The following PTPRT variants were observed in gnomAD, a reference collection of about 807,000 sequenced individuals.
PTPRT encodes protein tyrosine phosphatase receptor type T.
PTPRT carries 56 observed loss-of-function variants against 176.8 expected under a neutral mutation model. The ratio of observed to expected loss-of-function variants is 0.32; its 90% CI spans 0.26 to 0.40. The LOEUF is 0.40. PTPRT is among the 10% of genes least tolerant of loss of function. The pLI is 1.00. For synonymous variants in PTPRT, 783 were observed against 739.0 expected (o/e 1.06, Z -0.96); for missense variants, 1,540 against 1,908.2 (o/e 0.81, Z 3.60).
intron 2 of PTPRT, among the ~76,000 whole-genome samples, chr20:42,803,762 C>T (rs1038123144): frequency 3.9e-5 from 6 of 152,162 alleles, no homozygotes; most frequent in Admixed American, 1.3e-4. Flanking sequence ...CCATGTTGGC[C>T]AGGTTGGTCT....
At chr20:42,254,658 G>A (rs145928928) in intron 13 of PTPRT, among the ~76,000 whole-genome samples, 153 of 152,266 alleles carry the variant, frequency 1.0e-3, no homozygotes, top group African/African-American at 3.3e-3. Context: ...CACAGGAAAC[G>A]TTTGAATGTG....
At chr20:42,846,926 A>C (rs1219594472) in intron 2 of PTPRT, among the ~76,000 whole-genome samples, 1 of 152,188 alleles carries the variant, frequency 6.6e-6, no homozygotes, top group Non-Finnish European at 1.5e-5. Flanking sequence ...GCCAGATGCA[A>C]ACTCTGTCTC....
chr20:42,399,083 T>C (rs1471239212), intron 9 of PTPRT, among the ~76,000 whole-genome samples: 1 of 152,260 alleles, frequency 6.6e-6, no homozygotes, highest in Non-Finnish European at 1.5e-5. Flanking sequence ...GTCAAGGCGT[T>C]TGAAAACCTC....
intron 7 of PTPRT, among the ~76,000 whole-genome samples, chr20:42,516,268 A>T (rs1322973380): frequency 1.4e-5 from 2 of 141,786 alleles, no homozygotes; most frequent in East Asian, 2.0e-4. Flanking sequence ...AAAATAAATT[A>T]AAAAAAAAAA....
chr20:42,093,966 G>A (rs1251117047), intron 27 of PTPRT, among the ~76,000 whole-genome samples: 2 of 152,196 alleles, frequency 1.3e-5, no homozygotes, highest in Non-Finnish European at 2.9e-5. Flanking sequence ...CAACCTCAGG[G>A]TACTTCTGAG....
chr20:42,345,912 T>C (rs1421976950), intron 11 of PTPRT, among the ~76,000 whole-genome samples: 2 of 152,158 alleles, frequency 1.3e-5, no homozygotes, highest in Non-Finnish European at 2.9e-5. Context: ...AATTCCATGC[T>C]AAGAAGCCTG....
chr20:42,504,211 T>C (rs1256815023), intron 7 of PTPRT, among the ~76,000 whole-genome samples: 3 of 152,130 alleles, frequency 2.0e-5, no homozygotes, highest in Non-Finnish European at 2.9e-5. Flanking sequence ...TTATTGGTAA[T>C]CCTAATTATG....
chr20:42,182,245 G>A (rs1990555557), intron 16 of PTPRT, among the ~76,000 whole-genome samples: 1 of 152,134 alleles, frequency 6.6e-6, no homozygotes, highest in African/African-American at 2.4e-5. Context: ...AGCCAATAAC[G>A]GATTTTTGGT....
chr20:42,888,126 C>T (rs938097887), intron 1 of PTPRT, among the ~76,000 whole-genome samples: 3 of 152,030 alleles, frequency 2.0e-5, no homozygotes, highest in South Asian at 2.1e-4. Context: ...TTATAACAGC[C>T]GAAATGGATT....
chr20:42,640,625 C>T (rs976883019), intron 7 of PTPRT, among the ~76,000 whole-genome samples: 3 of 152,000 alleles, frequency 2.0e-5, no homozygotes, highest in African/African-American at 7.3e-5. Context: ...CTGACCACCG[C>T]CTCAGCCTCC....
In PTPRT at chr20:42,080,682, G is replaced by A. The variant is rs1983234779; in HGVS notation, c.*197C>T. 4.4e-6 allele frequency: 2 copies of A among 458,176 alleles called. No individual in the cohort carries two copies. The highest frequency in any genetic ancestry group is 7.8e-6 in the Non-Finnish European group (2 of 255,604). 28.4% of individuals were successfully genotyped at this position (458,176 alleles called of 1,614,324 possible). ...TTGAAAAGGAAGCCTGGGCCTTTTG[G>A]AGCAGCATCTCCCACGGCAACAGGA... On this transcript the variant is annotated 3_prime_UTR_variant, in exon 31 of 31. Coordinates refer to ENST00000373187, the MANE Select transcript of PTPRT (RefSeq NM_007050.6).
intron 1 of PTPRT, among the ~76,000 whole-genome samples, chr20:42,975,613 C>T (rs781134426): frequency 3.9e-5 from 6 of 152,094 alleles, no homozygotes; most frequent in African/African-American, 7.2e-5. Context: ...AGTATTGTGA[C>T]GATGCTTGAG....
chr20:42,246,340 T>A (rs2056450731), intron 14 of PTPRT, among the ~76,000 whole-genome samples: 1 of 152,118 alleles, frequency 6.6e-6, no homozygotes, highest in Admixed American at 6.5e-5. Flanking sequence ...CTGTAAACTG[T>A]TCCAATCAAC....
intron 7 of PTPRT, among the ~76,000 whole-genome samples, chr20:42,561,406 G>A (rs900577173): frequency 4.6e-5 from 7 of 152,194 alleles, no homozygotes; most frequent in African/African-American, 1.4e-4. Context: ...TGTCATTGAT[G>A]CATATTTAAT....
intron 2 of PTPRT, among the ~76,000 whole-genome samples, chr20:42,800,525 C>G (rs1388092494): frequency 2.6e-5 from 4 of 152,128 alleles, no homozygotes; most frequent in Admixed American, 1.3e-4. Context: ...GCTTCTGCAG[C>G]TCTAAATGGA....
In PTPRT at chr20:42,743,559, A is replaced by T. The variant is rs79511182; in HGVS notation, c.859+12903T>A. The stretch of plus-strand genomic sequence containing the variant: ...GAATAAGCGTGAAGCCTGGCCTTAG[A>T]ATACAACCCATTATTTTGACAAATA... On this transcript the variant is annotated intron_variant, in intron 6 of 30. Coordinates refer to ENST00000373187, the MANE Select transcript of PTPRT (RefSeq NM_007050.6). Among the ~76,000 whole-genome samples the T allele has an allele frequency of 9.2e-3, 1,398 of 152,290 alleles. 31 individuals carry two copies. Among genetic ancestry groups the T allele is most frequent in the African/African-American group, 0.032 (1,324 of 41,548 alleles).
chr20:42,708,646 T>C (rs2076097350), intron 6 of PTPRT, among the ~76,000 whole-genome samples: 2 of 152,242 alleles, frequency 1.3e-5, no homozygotes, highest in South Asian at 2.1e-4. Flanking sequence ...TGTCTTGGTC[T>C]TTCTCTTTCC....
At chr20:43,082,337 C>T (rs2011466624) in intron 1 of PTPRT, among the ~76,000 whole-genome samples, 1 of 152,026 alleles carries the variant, frequency 6.6e-6, no homozygotes, top group Non-Finnish European at 1.5e-5. Context: ...ATATTATTTT[C>T]TTAGTTTTAG....
At chr20:42,801,114 C>T (rs971121651) in intron 2 of PTPRT, among the ~76,000 whole-genome samples, 1 of 152,166 alleles carries the variant, frequency 6.6e-6, no homozygotes, top group Non-Finnish European at 1.5e-5. Flanking sequence ...CTAAGAGTTA[C>T]TCTGAGCTTT....
Sources: gnomAD v4.1 joint callset for allele counts (sites outside exome capture counted in the v4.1 genomes callset) on GRCh38, gnomAD v4.1.1 for gene constraint, MANE v1.5 for transcripts, NCBI Gene and HGNC (gene_info 2026-07-23, HGNC 2026-07-21) for gene names.